MMP16: variants seen among roughly 807,000 people sequenced by gnomAD.
MMP16 encodes matrix metalloproteinase-16.
In MMP16, 12 loss-of-function variants were observed where a neutral mutation model predicts 67.8. The observed-to-expected ratio is 0.18, with a 90% CI of 0.11 to 0.29. MMP16 has a LOEUF of 0.29. Among genes scored for constraint, MMP16 ranks in the 10% least tolerant of loss-of-function variants. The pLI, the probability that MMP16 is intolerant of heterozygous loss-of-function variation, is 1.00. For synonymous variants in MMP16, 249 were observed against 255.9 expected, an observed-to-expected ratio of 0.97 and a Z score of 0.26; for missense variants, 475 against 765.7, an observed-to-expected ratio of 0.62 and a Z score of 4.48.
At chr8:88,271,703 A>C (rs1376649685) in intron 1 of MMP16, among the ~76,000 whole-genome samples, 1 of 152,168 alleles carries the variant, frequency 6.6e-6, no homozygotes. Context: ...AGTTTCAGAT[A>C]AAGTATTTTA....
intron 1 of MMP16, among the ~76,000 whole-genome samples, chr8:88,249,409 G>T (rs944315785): frequency 1.3e-5 from 2 of 152,072 alleles, no homozygotes; most frequent in Non-Finnish European, 2.9e-5. Context: ...AGGAAGCAGG[G>T]TAATGGTTCA....
chr8:88,142,815 C>A (rs1563544270), intron 4 of MMP16, among the ~76,000 whole-genome samples: 1 of 151,918 alleles, frequency 6.6e-6, no homozygotes, highest in Admixed American at 6.6e-5. Flanking sequence ...CCACCCTACA[C>A]GTTAAAAAAG....
intron 7 of MMP16, among the ~76,000 whole-genome samples, chr8:88,072,583 G>A (rs1042674332): frequency 6.6e-6 from 1 of 152,110 alleles, no homozygotes; most frequent in African/African-American, 2.4e-5. Context: ...CTGGTGGTTA[G>A]AGAAGTCTGG....
At chr8:88,106,194 T>C (rs1752566499) in intron 6 of MMP16, among the ~76,000 whole-genome samples, 1 of 151,116 alleles carries the variant, frequency 6.6e-6, no homozygotes, top group Non-Finnish European at 1.5e-5. Flanking sequence ...GTATCCCTTT[T>C]AGGGATAATT....
chr8:88,206,801 T>C (rs923178697), intron 1 of MMP16, among the ~76,000 whole-genome samples: 28 of 152,318 alleles, frequency 1.8e-4, no homozygotes, highest in African/African-American at 5.1e-4. Flanking sequence ...AAATTGGTTA[T>C]GTTACACATC....
chr8:88,227,492 C>A (rs1018916352), intron 1 of MMP16, among the ~76,000 whole-genome samples: 1 of 152,036 alleles, frequency 6.6e-6, no homozygotes. Flanking sequence ...GTCATCAACA[C>A]CTAACAAAGA....
intron 1 of MMP16, among the ~76,000 whole-genome samples, chr8:88,312,091 C>A (rs1039145631): frequency 1.3e-5 from 2 of 152,062 alleles, no homozygotes; most frequent in African/African-American, 4.8e-5. Flanking sequence ...TGAGACAGGG[C>A]AGATCAGAAC....
chr8:88,160,243 T>C lies in MMP16; in HGVS notation c.709+7426A>G, dbSNP rs111723631. Among the ~76,000 whole-genome samples the C allele has an allele frequency of 9.2e-3, 1,392 of 152,058 alleles. 20 individuals are homozygous for C. Among genetic ancestry groups the C allele is most frequent in the African/African-American group, 0.032 (1,327 of 41,490 alleles). On this transcript the variant is annotated intron_variant, in intron 4 of 9. Coordinates refer to ENST00000286614, the MANE Select transcript of MMP16 (RefSeq NM_005941.5). ...GGTGTTTGGTTTTTTGTCCTTGCGATAGTTTACTGAGAATGATGATTTCCA... is the reference window on the plus strand; with the variant it reads ...GGTGTTTGGTTTTTTGTCCTTGCGACAGTTTACTGAGAATGATGATTTCCA...
chr8:88,246,432 T>C (rs1810113416), intron 1 of MMP16, among the ~76,000 whole-genome samples: 1 of 152,204 alleles, frequency 6.6e-6, no homozygotes, highest in Non-Finnish European at 1.5e-5. Flanking sequence ...ATAAGCCATG[T>C]GGCCAATCTG....
At chr8:88,157,688 A>G (rs1055453451) in intron 4 of MMP16, among the ~76,000 whole-genome samples, 2 of 152,044 alleles carry the variant, frequency 1.3e-5, no homozygotes, top group Admixed American at 1.3e-4. Flanking sequence ...TCTTTTTATT[A>G]TACTTTAAGT....
At chr8:88,151,785 A>G (rs1255842965) in intron 4 of MMP16, among the ~76,000 whole-genome samples, 1 of 150,056 alleles carries the variant, frequency 6.7e-6, no homozygotes, top group Non-Finnish European at 1.5e-5. Flanking sequence ...TTGACACCCT[A>G]ACATCACAAT....
intron 1 of MMP16, among the ~76,000 whole-genome samples, chr8:88,310,556 T>C (rs1036353878): frequency 2.6e-5 from 4 of 152,140 alleles, no homozygotes; most frequent in East Asian, 3.8e-4. Context: ...TGTAATCCAC[T>C]CATTTTTCAG....
chr8:88,200,300 G>T (rs746696086), intron 1 of MMP16, among the ~76,000 whole-genome samples: 8 of 151,964 alleles, frequency 5.3e-5, no homozygotes, highest in Non-Finnish European at 7.4e-5. Flanking sequence ...GTGCTCACTA[G>T]ATTGAGAAGT....
At chr8:88,077,926 C>T (rs1808677811) in intron 6 of MMP16, among the ~76,000 whole-genome samples, 1 of 152,132 alleles carries the variant, frequency 6.6e-6, no homozygotes, top group South Asian at 2.1e-4. Flanking sequence ...TGGTTTCACC[C>T]TTCTAAACAA....
chr8:88,203,354 G>A (rs571976849), intron 1 of MMP16, among the ~76,000 whole-genome samples: 2 of 152,020 alleles, frequency 1.3e-5, no homozygotes, highest in South Asian at 2.1e-4. Flanking sequence ...CACCCACCTC[G>A]TCCTCCCAAA....
At chr8:88,192,985 G>C (rs6990910) in intron 2 of MMP16, among the ~76,000 whole-genome samples, 36,854 of 151,934 alleles carry the variant, frequency 0.24, 6,070 homozygotes, top group East Asian at 0.53. Flanking sequence ...TCACTATGGA[G>C]AAGAGTATGG....
chr8:88,143,158 C>A (rs1238012187), intron 4 of MMP16, among the ~76,000 whole-genome samples: 1 of 151,994 alleles, frequency 6.6e-6, no homozygotes, highest in Non-Finnish European at 1.5e-5. Context: ...CATCACATAT[C>A]TGGGTCAATC....
intron 4 of MMP16, among the ~76,000 whole-genome samples, chr8:88,137,912 A>G (rs1187072134): frequency 6.6e-6 from 1 of 151,970 alleles, no homozygotes; most frequent in Non-Finnish European, 1.5e-5. Context: ...TATGAAATAC[A>G]TCTATTGAGT....
chr8:88,270,243 C>T (rs1189411462), intron 1 of MMP16, among the ~76,000 whole-genome samples: 1 of 152,164 alleles, frequency 6.6e-6, no homozygotes, highest in African/African-American at 2.4e-5. Context: ...AGACTCAAGT[C>T]AGGCAATCAA....
Sources: allele counts gnomAD v4.1 joint callset (sites outside exome capture counted in the v4.1 genomes callset), GRCh38; gene constraint gnomAD v4.1.1; transcripts MANE v1.5; gene names NCBI Gene and HGNC (gene_info 2026-07-23, HGNC 2026-07-21).